The following PAX7 variants were observed in gnomAD, a reference collection of about 807,000 sequenced individuals.
PAX7 encodes paired box 7, also known as paired box protein Pax-7.
PAX7 carries 18 observed loss-of-function variants against 50.7 expected under a neutral mutation model. The observed-to-expected ratio is 0.36, with a 90% CI of 0.25 to 0.53. The LOEUF is 0.53. Among genes scored for constraint, PAX7 ranks in the 20% least tolerant of loss-of-function variants. PAX7 has a pLI of 0.93. For synonymous variants in PAX7, 310 were observed against 290.4 expected (o/e 1.07, Z -0.69); for missense variants, 644 against 702.9 (o/e 0.92, Z 0.95).
chr1:18,654,374 A>C (rs2088480601), intron 4 of PAX7, among the ~76,000 whole-genome samples: 1 of 152,208 alleles, frequency 6.6e-6, no homozygotes, highest in South Asian at 2.1e-4. Flanking sequence ...ATAAATAATC[A>C]CAGGTGGGAG....
At chr1:18,698,272 TACACACACACACACAC>T (rs71018097) in intron 5 of PAX7, among the ~76,000 whole-genome samples, 1 of 147,320 alleles carries the variant, frequency 6.8e-6, no homozygotes, top group Non-Finnish European at 1.5e-5. Context: ...ATTGTTAAAA[TACACACACACACACAC>T]ACACACACAC....
At position 18,706,593 on chromosome 1, in the gene PAX7, C is replaced by T. The variant is rs569404830; in HGVS notation, c.1155+3297C>T. 2.3e-3 allele frequency among the ~76,000 whole-genome samples: 342 copies of T among 151,948 alleles called. 3 individuals carry two copies. The highest frequency in any genetic ancestry group is 7.8e-3 in the African/African-American group (323 of 41,396). On this transcript the variant is annotated intron_variant, in intron 7 of 8. Transcript: ENST00000420770. ...TCTCCTGTCTTCGCCTCCAATTCTC[C>T]TGTCTTCGCCTCCTGAGCAGCTGGG...
At chr1:18,696,490 AAACT>A (rs2089152071) in intron 5 of PAX7, among the ~76,000 whole-genome samples, 1 of 152,248 alleles carries the variant, frequency 6.6e-6, no homozygotes, top group Non-Finnish European at 1.5e-5. Context: ...GCAGATGAGA[AAACT>A]GAGATGTAGC....
chr1:18,631,954 ATT>A (rs1429754666), intron 1 of PAX7, among the ~76,000 whole-genome samples: 1 of 152,144 alleles, frequency 6.6e-6, no homozygotes, highest in Non-Finnish European at 1.5e-5. Context: ...ATTCTGGTAG[ATT>A]TGGACTCCTA....
intron 7 of PAX7, among the ~76,000 whole-genome samples, chr1:18,731,085 T>C (rs1252783492): frequency 6.6e-6 from 1 of 152,136 alleles, no homozygotes; most frequent in Admixed American, 6.5e-5. Context: ...AGTAATACAT[T>C]AGTGAAAGCA....
At chr1:18,692,881 G>GCT (rs1210257973) in intron 5 of PAX7, among the ~76,000 whole-genome samples, 1 of 152,166 alleles carries the variant, frequency 6.6e-6, no homozygotes, top group Non-Finnish European at 1.5e-5. Context: ...TGCCCCGCCT[G>GCT]CTCTCTGTCA....
At position 18,716,531 on chromosome 1, in the gene PAX7, GC is replaced by G. The variant is rs1458255644; in HGVS notation, c.1155+13236del. On this transcript the variant is annotated intron_variant, in intron 7 of 8. Coordinates refer to ENST00000420770, the MANE Select transcript of PAX7 (RefSeq NM_001135254.2). ...TTTTTGTTTTTTTCACACACTCTCT[GC>G]TTCCTATTTCTTTCCTTTCCCCACT... Among the ~76,000 whole-genome samples the G allele has an allele frequency of 6.0e-5, 9 of 150,506 alleles. 1 individual carries two copies. Among genetic ancestry groups the G allele is most frequent in the Non-Finnish European group, 1.2e-4 (8 of 67,892 alleles).
intron 4 of PAX7, among the ~76,000 whole-genome samples, chr1:18,675,759 G>A (rs976124083): frequency 6.6e-6 from 1 of 152,136 alleles, no homozygotes; most frequent in Non-Finnish European, 1.5e-5. Flanking sequence ...GTTCGACCCC[G>A]ATGTGTTGAG....
chr1:18,649,004 C>T (rs547410334), intron 4 of PAX7, among the ~76,000 whole-genome samples: 1 of 152,260 alleles, frequency 6.6e-6, no homozygotes, highest in Non-Finnish European at 1.5e-5. Flanking sequence ...CCCAAGGGTA[C>T]TGAGCCCGTG....
intron 4 of PAX7, among the ~76,000 whole-genome samples, chr1:18,655,374 A>G (rs1419074718): frequency 1.3e-5 from 2 of 152,180 alleles, no homozygotes; most frequent in Non-Finnish European, 2.9e-5. Context: ...GTTTGAATCA[A>G]ATTTCTCATT....
At chr1:18,737,339 A>C (rs1401110981) in intron 8 of PAX7, among the ~76,000 whole-genome samples, 2 of 151,896 alleles carry the variant, frequency 1.3e-5, no homozygotes, top group African/African-American at 2.4e-5. Flanking sequence ...ACCCCCCCAA[A>C]CCCACTCCTC....
chr1:18,724,404 C>G (rs1425782838), intron 7 of PAX7, among the ~76,000 whole-genome samples: 2 of 152,206 alleles, frequency 1.3e-5, no homozygotes, highest in Non-Finnish European at 2.9e-5. Context: ...CCCAACACAG[C>G]CAAGGCACAC....
chr1:18,701,231 G>A (rs1429503095), intron 6 of PAX7, among the ~76,000 whole-genome samples: 2 of 152,200 alleles, frequency 1.3e-5, no homozygotes, highest in East Asian at 1.9e-4. Context: ...GGAAAGGAAC[G>A]GATTCTGCAG....
At chr1:18,640,413 C>T (rs1034701171) in intron 4 of PAX7, among the ~76,000 whole-genome samples, 1 of 148,706 alleles carries the variant, frequency 6.7e-6, no homozygotes, top group Non-Finnish European at 1.5e-5. Context: ...CAGCCCACAC[C>T]ATTTTTTCGG....
intron 4 of PAX7, among the ~76,000 whole-genome samples, chr1:18,637,891 G>C (rs1019866349): frequency 6.6e-6 from 1 of 152,246 alleles, no homozygotes; most frequent in Non-Finnish European, 1.5e-5. Flanking sequence ...CTGCCGAGGG[G>C]CCACGGGTCT....
At chr1:18,706,461 T>TC (rs1491191138) in intron 7 of PAX7, among the ~76,000 whole-genome samples, 9 of 58,792 alleles carry the variant, frequency 1.5e-4, no homozygotes, top group South Asian at 6.0e-4. Flanking sequence ...TCTCTCTCTC[T>TC]TTTTTTTTTT....
chr1:18,727,246 T>G (rs1384611415), intron 7 of PAX7, among the ~76,000 whole-genome samples: 5 of 149,240 alleles, frequency 3.4e-5, no homozygotes, highest in African/African-American at 7.5e-5. Context: ...CTTAGAAGCA[T>G]GCATACAACA....
chr1:18,744,972 C>A lies in PAX7; in HGVS notation c.*43C>A. ...GCCCCAGCCCAATTCCCAGCCCAAC[C>A]CTAACTGACCCCTGAGCTTCCCAGC... On this transcript the variant is annotated 3_prime_UTR_variant, in exon 9 of 9. Coordinates refer to ENST00000420770, the MANE Select transcript of PAX7 (RefSeq NM_001135254.2). 1.7e-6 allele frequency: 2 copies of A among 1,159,378 alleles called. No homozygotes were observed. Among genetic ancestry groups the A allele is most frequent in the Non-Finnish European group, 2.5e-6 (2 of 792,466 alleles). 71.8% of individuals were successfully genotyped at this position (1,159,378 alleles called of 1,614,324 possible).
intron 4 of PAX7, among the ~76,000 whole-genome samples, chr1:18,671,549 C>T (rs1034866138): frequency 4.0e-5 from 6 of 151,856 alleles, no homozygotes; most frequent in Non-Finnish European, 8.8e-5. Context: ...AGGTTGGGCC[C>T]TGGGAGGACG....
Sources: gnomAD v4.1 joint callset for allele counts (sites outside exome capture counted in the v4.1 genomes callset) on GRCh38, gnomAD v4.1.1 for gene constraint, MANE v1.5 for transcripts, NCBI Gene and HGNC (gene_info 2026-07-23, HGNC 2026-07-21) for gene names.